Variants in NUP37 observed in about 807,000 individuals in gnomAD.
The protein encoded by NUP37 is nucleoporin 37, also known as nucleoporin Nup37.
In NUP37, 33 loss-of-function variants were observed where a neutral mutation model predicts 45.4. That is an observed-to-expected ratio of 0.73 (90% CI 0.55 to 0.97). The LOEUF (loss-of-function observed/expected upper bound fraction) is 0.97, where lower values mean the gene tolerates loss of function less well. Ranked by LOEUF, NUP37 falls within the 50% of genes least tolerant of loss-of-function variation. The probability of loss-of-function intolerance (pLI) is 0.00; values close to 1 mark genes in which losing one functional copy is unlikely to be tolerated. For missense variants in NUP37, 365 were observed against 389.7 expected (o/e 0.94, Z 0.53); for synonymous variants, 127 against 130.7 (o/e 0.97, Z 0.19).
intron 9 of NUP37, 180 bp downstream of exon 9, chr12:102,074,821 C>A (rs1446753534): frequency 4.3e-5 from 19 of 446,462 alleles, no homozygotes; most frequent in East Asian, 7.0e-5. Flanking sequence ...ATGTAAACAT[C>A]AAAAAAAAAC....
intron 6 of NUP37, chr12:102,078,943 G>A (rs1879258314): frequency 5.6e-6 from 1 of 177,312 alleles, no homozygotes; most frequent in Non-Finnish European, 1.2e-5. Flanking sequence ...TCATGGCATT[G>A]CTATACCCAT....
Position 102,074,832 on chromosome 12 carries a change from C to A in NUP37, c.867+169G>T. ...GGTAATGTAAACATCAAAAAAAAAC[C>A]ACACAAAAAACAAAAACAAATGAAC... On this transcript the variant is annotated intron_variant, in intron 9 of 9. Coordinates refer to ENST00000552283, the MANE Select transcript of NUP37 (RefSeq NM_024057.4). 7 of 451,538 alleles carry A rather than the reference C, an allele frequency of 1.6e-5. No individual in the cohort carries two copies. In the South Asian group the frequency reaches 1.7e-4, roughly 11 times the overall value. 28.0% of individuals were successfully genotyped at this position (451,538 alleles called of 1,614,324 possible).
intron 2 of NUP37, among the ~76,000 whole-genome samples, chr12:102,113,560 A>G (rs1880375461): frequency 6.6e-6 from 1 of 152,248 alleles, no homozygotes; most frequent in Non-Finnish European, 1.5e-5. Context: ...AATTTTAAAA[A>G]TAAGTAAATC....
chr12:102,110,556 A>T lies in NUP37; in HGVS notation c.281+1552T>A, dbSNP rs892054038. 2.0e-5 allele frequency among the ~76,000 whole-genome samples: 3 copies of T among 151,688 alleles called. No individual in the cohort carries two copies. In the South Asian group the frequency reaches 6.2e-4, roughly 31 times the overall value. On this transcript the variant is annotated intron_variant, in intron 3 of 9. Coordinates refer to ENST00000552283, the MANE Select transcript of NUP37 (RefSeq NM_024057.4). ...AAAGATTGACAATAGCAAATATTGG[A>T]GAATAGGCCAGGTATGGTGGCTCAT... is the stretch of plus-strand genomic sequence containing the variant.
chr12:102,103,108 T>C (rs1463676095), intron 3 of NUP37, among the ~76,000 whole-genome samples: 1 of 152,206 alleles, frequency 6.6e-6, no homozygotes, highest in Non-Finnish European at 1.5e-5. Context: ...AATTTTTTAA[T>C]TGATTTTTCT....
Position 102,076,792 on chromosome 12 carries a change from A to G in NUP37, c.773+5T>C, listed in dbSNP as rs372348503. ...ATCACAGCTCCAACAAAAACGGTACATTACCTGAATAAGCAGGCTCGATCC... is the reference window on the plus strand; with the variant it reads ...ATCACAGCTCCAACAAAAACGGTACGTTACCTGAATAAGCAGGCTCGATCC... On this transcript the variant is annotated splice_donor_5th_base_variant and intron_variant, in intron 8 of 9. Transcript: ENST00000552283. The G allele has an allele frequency of 3.1e-6, 5 of 1,612,936 alleles. No individual in the cohort carries two copies. In the African/African-American group the frequency reaches 5.3e-5, roughly 17 times the overall value.
intron 4 of NUP37, among the ~76,000 whole-genome samples, chr12:102,100,185 T>C (rs571818389): frequency 1.3e-5 from 2 of 152,332 alleles, no homozygotes; most frequent in African/African-American, 4.8e-5. Context: ...TACTTGGTTA[T>C]TTCTGGTACA....
intron 3 of NUP37, among the ~76,000 whole-genome samples, chr12:102,109,041 G>A (rs1341681095): frequency 6.6e-6 from 1 of 152,174 alleles, no homozygotes; most frequent in Non-Finnish European, 1.5e-5. Context: ...ATCTTACTGG[G>A]ATCTAAATAA....
chr12:102,109,598 T>G (rs145287177), intron 3 of NUP37, among the ~76,000 whole-genome samples: 21 of 152,170 alleles, frequency 1.4e-4, no homozygotes, highest in African/African-American at 4.8e-4. Flanking sequence ...TGCCTTCAGG[T>G]TGCTCTAAAA....
chr12:102,111,410 G>A (rs764958782), intron 3 of NUP37, among the ~76,000 whole-genome samples: 3 of 152,130 alleles, frequency 2.0e-5, no homozygotes, highest in Admixed American at 1.3e-4. Context: ...ATACCCTTAA[G>A]AGCTGAGAAT....
intron 1 of NUP37, chr12:102,119,143 G>GGA (rs1190571214): frequency 6.6e-6 from 1 of 152,304 alleles, no homozygotes; most frequent in Non-Finnish European, 1.5e-5. Context: ...CTGGCTTGAA[G>GGA]GAGACCACAG....
intron 2 of NUP37, among the ~76,000 whole-genome samples, chr12:102,117,149 G>A (rs1288825354): frequency 6.6e-6 from 1 of 151,976 alleles, no homozygotes; most frequent in Non-Finnish European, 1.5e-5. Context: ...TGAGAAATAC[G>A]GTTCTATTAA....
intron 2 of NUP37, among the ~76,000 whole-genome samples, chr12:102,116,946 G>A (rs1253134028): frequency 6.6e-6 from 1 of 152,172 alleles, no homozygotes; most frequent in Non-Finnish European, 1.5e-5. Flanking sequence ...AGGTTGCAGT[G>A]AGCAGAGATC....
intron 6 of NUP37, among the ~76,000 whole-genome samples, chr12:102,084,369 G>T (rs191557532): frequency 1.7e-4 from 26 of 152,260 alleles, no homozygotes; most frequent in African/African-American, 6.0e-4. Context: ...GGAGATGGCC[G>T]GTACGGTGGC....
rs780558637 is a variant in NUP37 at position 102,076,883 on chromosome 12, G to GCA, written c.723-37_723-36insTG. ...ATATTTTGCATTTTATGAATTATGT[G>GCA]TTAAACTCAAGTGGGTGAACTTAAG... On this transcript the variant is annotated intron_variant, in intron 7 of 9. Coordinates refer to ENST00000552283, the MANE Select transcript of NUP37 (RefSeq NM_024057.4). The GCA allele has an allele frequency of 5.0e-5, 75 of 1,496,212 alleles. No homozygotes were observed. In the Middle Eastern group the frequency reaches 5.1e-4, roughly 10 times the overall value. 92.7% of individuals were successfully genotyped at this position (1,496,212 alleles called of 1,614,324 possible).
At chr12:102,087,068 C>G (rs748574106) in intron 5 of NUP37, among the ~76,000 whole-genome samples, 15 of 152,152 alleles carry the variant, frequency 9.9e-5, no homozygotes, top group Admixed American at 3.3e-4. Context: ...CCTCTGCACT[C>G]CAGCCTGGGT....
chr12:102,077,559 GA>G, intron 6 of NUP37, 56 bp from the exon 7 acceptor site: 1 of 1,474,524 alleles, frequency 6.8e-7, no homozygotes, highest in Admixed American at 1.8e-5. Flanking sequence ...AACTATACCT[GA>G]AGTGTAAGCA....
chr12:102,101,018 G>T lies in NUP37; in HGVS notation c.354+14C>A. 3.6e-6 allele frequency: 5 copies of T among 1,402,032 alleles called. No individual in the cohort carries two copies. The highest frequency in any genetic ancestry group is 4.9e-6 in the Non-Finnish European group (5 of 1,021,268). 86.8% of individuals were successfully genotyped at this position (1,402,032 alleles called of 1,614,324 possible). A position where few individuals can be genotyped will look rare whatever the true frequency, so the allele number is the denominator to read the frequency against. ...TAAAATAAGCTCTAAAGATTTATAT[G>T]GTTGTCAACATACCTTATATTCATT... is the stretch of plus-strand genomic sequence containing the variant. On this transcript the variant is annotated intron_variant, in intron 4 of 9. Coordinates refer to ENST00000552283, the MANE Select transcript of NUP37 (RefSeq NM_024057.4).
intron 5 of NUP37, among the ~76,000 whole-genome samples, chr12:102,096,250 A>G (rs1380504406): frequency 6.6e-6 from 1 of 152,144 alleles, no homozygotes; most frequent in Non-Finnish European, 1.5e-5. Context: ...TTTAATGAGA[A>G]CCCAATTTTC....
Sources: allele counts gnomAD v4.1 joint callset (sites outside exome capture counted in the v4.1 genomes callset), GRCh38; gene constraint gnomAD v4.1.1; transcripts MANE v1.5; gene names NCBI Gene and HGNC (gene_info 2026-07-23, HGNC 2026-07-21).